The following FOXN1 variants were observed in gnomAD, a reference collection of about 807,000 sequenced individuals.
FOXN1 encodes the protein forkhead box protein N1.
A neutral mutation model predicts 49.0 loss-of-function variants in FOXN1; 15 were observed. The ratio of observed to expected loss-of-function variants is 0.31; its 90% confidence interval spans 0.20 to 0.47. FOXN1 has a LOEUF of 0.47. FOXN1 is among the 20% of genes least tolerant of loss of function. FOXN1 has a pLI of 1.00. For synonymous variants in FOXN1, 356 were observed against 369.0 expected (o/e 0.96, Z 0.40); for missense variants, 800 against 842.8 (o/e 0.95, Z 0.63).
intron 1 of FOXN1, among the ~76,000 whole-genome samples, chr17:28,519,204 A>T (rs1030081542): frequency 7.9e-5 from 12 of 152,066 alleles, no homozygotes; most frequent in African/African-American, 2.9e-4. Context: ...GGTGGTGCAC[A>T]CCTGTAATCT....
intron 1 of FOXN1, among the ~76,000 whole-genome samples, chr17:28,523,364 T>A (rs1315692998): frequency 6.6e-6 from 1 of 152,194 alleles, no homozygotes; most frequent in Non-Finnish European, 1.5e-5. Flanking sequence ...GGTCCCCAGT[T>A]ACACACTGTG....
intron 1 of FOXN1, among the ~76,000 whole-genome samples, chr17:28,519,553 T>G (rs1467552931): frequency 6.6e-6 from 1 of 152,066 alleles, no homozygotes. Flanking sequence ...CCTCCTGTGC[T>G]GGTATTTGCT....
At chr17:28,523,822 C>CA in intron 1 of FOXN1, 134 bp from the exon 2 acceptor site, 1 of 575,182 alleles carries the variant, frequency 1.7e-6, no homozygotes, top group East Asian at 3.2e-5. Context: ...CTCTCTCTCT[C>CA]TCTCTCTCTC....
chr17:28,517,057 G>A (rs1322991666), intron 1 of FOXN1, among the ~76,000 whole-genome samples: 1 of 55,120 alleles, frequency 1.8e-5, no homozygotes, highest in African/African-American at 4.9e-5. Context: ...TACCTCCACA[G>A]GATCCACACC....
intron 6 of FOXN1, among the ~76,000 whole-genome samples, chr17:28,531,776 C>T (rs1323113714): frequency 6.6e-6 from 1 of 152,168 alleles, no homozygotes; most frequent in Non-Finnish European, 1.5e-5. Flanking sequence ...CTCAGCTCCA[C>T]CTGCCAGGGG....
chr17:28,515,981 C>A (rs2151478317), intron 1 of FOXN1, among the ~76,000 whole-genome samples: 1 of 152,006 alleles, frequency 6.6e-6, no homozygotes, highest in South Asian at 2.1e-4. Context: ...ATACACATTT[C>A]CACAGGGGTA....
chr17:28,523,795 TC>T, intron 1 of FOXN1, 160 bp from the exon 2 acceptor site: 5 of 18,488 alleles, frequency 2.7e-4, no homozygotes, highest in Non-Finnish European at 8.9e-4. Context: ...TCTCTGGTTC[TC>T]TCTCTCTCTC....
At chr17:28,513,882 G>A (rs892090271) in intron 1 of FOXN1, among the ~76,000 whole-genome samples, 2 of 152,204 alleles carry the variant, frequency 1.3e-5, no homozygotes, top group African/African-American at 2.4e-5. Context: ...CAGGGATGGC[G>A]AAAAGGAAGG....
rs879412796 is a variant in FOXN1 at position 28,530,928 on chromosome 17, G to A, written c.927+83G>A. On this transcript the variant is annotated intron_variant, in intron 6 of 8. Coordinates refer to ENST00000579795, the MANE Select transcript of FOXN1 (RefSeq NM_001369369.1). Reference sequence around the variant, plus strand: ...CTCTGAGCAGAGGCTTCTGTCTGGAGGTGGGAGAAGAATTAGAACGAAAGC... The same window carrying A: ...CTCTGAGCAGAGGCTTCTGTCTGGAAGTGGGAGAAGAATTAGAACGAAAGC... 6.1e-6 allele frequency: 5 copies of A among 825,866 alleles called. No homozygotes were observed. The Admixed American group carries it at 9.0e-5, about 15-fold the overall frequency. 51.2% of individuals were successfully genotyped at this position (825,866 alleles called of 1,614,324 possible). A position where few individuals can be genotyped will look rare whatever the true frequency, so the allele number is the denominator to read the frequency against.
intron 1 of FOXN1, among the ~76,000 whole-genome samples, chr17:28,515,993 A>C (rs2069485955): frequency 6.6e-6 from 1 of 151,734 alleles, no homozygotes; most frequent in Non-Finnish European, 1.5e-5. Context: ...ACAGGGGTAC[A>C]CACCTCCAGA....
At position 28,509,659 on chromosome 17, in the gene FOXN1, A is replaced by G. The variant is rs563639318; in HGVS notation, c.-15+3216A>G. Among the ~76,000 whole-genome samples, 5 of 152,330 alleles carry G rather than the reference A, an allele frequency of 3.3e-5. No individual in the cohort carries two copies. In the East Asian group the frequency reaches 9.6e-4, roughly 29 times the overall value. The stretch of plus-strand genomic sequence containing the variant: ...GCCGTAAAGGCTGGATGCTCACCAA[A>G]CAGTAAAAATGAGTTCAGATGCAAC... On this transcript the variant is annotated intron_variant, in intron 1 of 8. Transcript: ENST00000579795.
chr17:28,532,128 T>C (rs1230947239), intron 6 of FOXN1, among the ~76,000 whole-genome samples: 2 of 152,106 alleles, frequency 1.3e-5, no homozygotes, highest in Non-Finnish European at 2.9e-5. Context: ...AAAAGCCCAG[T>C]CCTCTCAGCC....
At chr17:28,523,823 TCTCTCTCTC>T in intron 1 of FOXN1, 124 bp from the exon 2 acceptor site, 1 of 723,922 alleles carries the variant, frequency 1.4e-6, no homozygotes, top group East Asian at 2.6e-5. Context: ...TCTCTCTCTC[TCTCTCTCTC>T]ATCAGATGGC....
intron 4 of FOXN1, 65 bp from the exon 5 acceptor site, chr17:28,529,029 G>C: frequency 4.4e-6 from 7 of 1,603,820 alleles, no homozygotes; most frequent in Non-Finnish European, 6.0e-6. Flanking sequence ...TATAAATGGG[G>C]AGGAGGGCCC....
At chr17:28,516,304 GCCACAGGA>G in intron 1 of FOXN1, among the ~76,000 whole-genome samples, 1 of 115,680 alleles carries the variant, frequency 8.6e-6, no homozygotes, top group Admixed American at 8.5e-5. Context: ...GGTACACACT[GCCACAGGA>G]TCCACACCTC....
At chr17:28,519,578 C>T (rs2069599093) in intron 1 of FOXN1, among the ~76,000 whole-genome samples, 1 of 152,158 alleles carries the variant, frequency 6.6e-6, no homozygotes, top group Non-Finnish European at 1.5e-5. Context: ...CTTGCACACA[C>T]ATCCCATCCA....
intron 1 of FOXN1, among the ~76,000 whole-genome samples, chr17:28,516,703 A>G (rs1230012364): frequency 3.8e-4 from 48 of 126,238 alleles, no homozygotes; most frequent in East Asian, 1.9e-3. Context: ...CCTCCACAGA[A>G]TACATACCTC....
Position 28,534,830 on chromosome 17 carries a change from C to T in FOXN1, c.1259C>T (p.Ser420Phe). The change falls in exon 8 of 9, where the codon TCC becomes TTC. Residue 420 changes from serine (S) to phenylalanine (F), a missense_variant. Transcript: ENST00000579795. This position sits in a 1 kb window ranked among gnomAD's most constrained non-coding sequence, Gnocchi z 4.1. ...CCCCTGGCACCCCCAGCTGGCCTCT[C>T]CCCACCACTGCACTCACTCCACCCA... is the stretch of plus-strand genomic sequence containing the variant. ...IRPLAPPAGL[S>F]PPLHSLHPAP... 6.2e-7 allele frequency: 1 copy of T among 1,613,892 alleles called. No individual in the cohort carries two copies. Among genetic ancestry groups the T allele is most frequent in the Non-Finnish European group, 8.5e-7 (1 of 1,179,820 alleles).
chr17:28,530,681 G>A, intron 5 of FOXN1, 68 bp from the exon 6 acceptor site: 2 of 846,468 alleles, frequency 2.4e-6, no homozygotes, highest in Middle Eastern at 2.5e-4. Context: ...CACCAGGGGT[G>A]GGGGGCTTGG....
Sources: gnomAD v4.1 joint callset for allele counts (sites outside exome capture counted in the v4.1 genomes callset) on GRCh38, gnomAD v4.1.1 for gene constraint, Gnocchi (gnomAD v3.1) non-coding constraint, MANE v1.5 for transcripts, NCBI Gene and HGNC (gene_info 2026-07-23, HGNC 2026-07-21) for gene names.